The following HPSE2 variants were observed in gnomAD, a reference collection of about 807,000 sequenced individuals.
HPSE2 encodes heparanase 2 (inactive).
HPSE2 carries 38 observed loss-of-function variants against 60.5 expected under a neutral mutation model. The ratio of observed to expected loss-of-function variants is 0.63; its 90% CI spans 0.48 to 0.82. The LOEUF is 0.82. Ranked by LOEUF, HPSE2 falls within the 40% of genes least tolerant of loss-of-function variation. The pLI, the probability that HPSE2 is intolerant of heterozygous loss-of-function variation, is 0.00. For synonymous variants in HPSE2, 295 were observed against 293.2 expected, an observed-to-expected ratio of 1.01 and a Z score of -0.06; for missense variants, 713 against 740.4, an observed-to-expected ratio of 0.96 and a Z score of 0.43.
chr10:98,752,022 C>G (rs1949769620), intron 3 of HPSE2, among the ~76,000 whole-genome samples: 1 of 152,216 alleles, frequency 6.6e-6, no homozygotes, highest in South Asian at 2.1e-4. Flanking sequence ...AATTCTCAAT[C>G]TTTCTATCAG....
intron 9 of HPSE2, among the ~76,000 whole-genome samples, chr10:98,576,183 G>T (rs1944635279): frequency 6.6e-6 from 1 of 151,972 alleles, no homozygotes; most frequent in African/African-American, 2.4e-5. Context: ...CCTAGAGTAG[G>T]TTAAAATAAT....
chr10:99,228,894 C>T (rs1271915126), intron 2 of HPSE2, among the ~76,000 whole-genome samples: 2 of 152,200 alleles, frequency 1.3e-5, no homozygotes, highest in East Asian at 1.9e-4. Flanking sequence ...CACATCGGGG[C>T]CAGGCACAGT....
intron 3 of HPSE2, among the ~76,000 whole-genome samples, chr10:99,117,183 T>C (rs1167756947): frequency 6.6e-6 from 1 of 151,240 alleles, no homozygotes; most frequent in East Asian, 1.9e-4. Flanking sequence ...GTCATGTAAA[T>C]AAACAATTCT....
intron 2 of HPSE2, among the ~76,000 whole-genome samples, chr10:99,175,012 G>C (rs542537400): frequency 1.3e-5 from 2 of 152,254 alleles, no homozygotes; most frequent in South Asian, 4.1e-4. Context: ...CCGCAAGGGG[G>C]TGGTGAACTC....
At chr10:98,701,582 T>C (rs2134193822) in intron 5 of HPSE2, among the ~76,000 whole-genome samples, 1 of 151,710 alleles carries the variant, frequency 6.6e-6, no homozygotes, top group Admixed American at 6.6e-5. Flanking sequence ...ATGGCACATG[T>C]ATACATATGT....
At chr10:98,492,510 C>CAAAAAAAAAA (rs10645866) in intron 9 of HPSE2, among the ~76,000 whole-genome samples, 140 of 111,556 alleles carry the variant, frequency 1.3e-3, no homozygotes, top group Non-Finnish European at 1.4e-3. Context: ...TCAAAAAAGA[C>CAAAAAAAAAA]AAAAAAAAAA....
chr10:99,039,588 C>G (rs1169707795), intron 3 of HPSE2, among the ~76,000 whole-genome samples: 1 of 151,348 alleles, frequency 6.6e-6, no homozygotes, highest in East Asian at 1.9e-4. Context: ...TTTGAAGCAG[C>G]TGGTACTCTG....
At chr10:98,839,812 C>A (rs916530955) in intron 3 of HPSE2, among the ~76,000 whole-genome samples, 4 of 152,100 alleles carry the variant, frequency 2.6e-5, no homozygotes, top group African/African-American at 9.7e-5. Context: ...AGGGAAAGTG[C>A]TACCAGGATT....
At chr10:98,636,386 C>A (rs186463853) in intron 7 of HPSE2, among the ~76,000 whole-genome samples, 4 of 152,056 alleles carry the variant, frequency 2.6e-5, no homozygotes, top group Admixed American at 1.3e-4. Flanking sequence ...ATTACATGTG[C>A]CTGCCACCAT....
chr10:99,175,578 T>C (rs555859464), intron 2 of HPSE2, among the ~76,000 whole-genome samples: 1 of 152,324 alleles, frequency 6.6e-6, no homozygotes, highest in East Asian at 1.9e-4. Flanking sequence ...TAGATTCCTC[T>C]TCTCTGGGTA....
intron 9 of HPSE2, among the ~76,000 whole-genome samples, chr10:98,598,990 A>T (rs554353122): frequency 6.6e-6 from 1 of 151,582 alleles, no homozygotes; most frequent in South Asian, 2.1e-4. Flanking sequence ...TCCTTAGGCC[A>T]TGGGGGCCAT....
At position 98,507,218 on chromosome 10, in the gene HPSE2, A is replaced by G. The variant is rs1942231224; in HGVS notation, c.1321-17022T>C. 2.0e-5 allele frequency among the ~76,000 whole-genome samples: 3 copies of G among 152,242 alleles called. No individual in the cohort carries two copies. In the South Asian group the frequency reaches 6.2e-4, roughly 32 times the overall value. On this transcript the variant is annotated intron_variant, in intron 9 of 11. Transcript: ENST00000370552. The stretch of plus-strand genomic sequence containing the variant: ...TCATAGGTTGATGGGAGTTATTGGT[A>G]ATGTTTTAGTTTTGGGGTGGAGTGG...
chr10:98,545,110 G>T (rs917820249), intron 9 of HPSE2, among the ~76,000 whole-genome samples: 2 of 152,204 alleles, frequency 1.3e-5, no homozygotes, highest in Admixed American at 1.3e-4. Context: ...CCAGGAAGAA[G>T]TTGAATCTCT....
intron 6 of HPSE2, among the ~76,000 whole-genome samples, chr10:98,683,821 T>G (rs1274122194): frequency 6.6e-6 from 1 of 151,716 alleles, no homozygotes; most frequent in East Asian, 1.9e-4. Flanking sequence ...ATTGACAGGG[T>G]CTAACCACAT....
chr10:98,831,083 C>T (rs777571385), intron 3 of HPSE2, among the ~76,000 whole-genome samples: 65 of 152,146 alleles, frequency 4.3e-4, no homozygotes, highest in Admixed American at 1.5e-3. Flanking sequence ...TACAACAGCA[C>T]ATTTTTCTGA....
chr10:99,216,510 A>G (rs946333416), intron 2 of HPSE2, among the ~76,000 whole-genome samples: 2 of 152,044 alleles, frequency 1.3e-5, no homozygotes, highest in African/African-American at 4.8e-5. Context: ...AGACTCTTAT[A>G]AACATTTACA....
Position 99,006,982 on chromosome 10 carries a change from C to T in HPSE2, c.610+137256G>A, listed in dbSNP as rs554274730. ...TAGGTGGGTCTGGAGCCTGTTTCTG[C>T]AGAAGCCAGCCTGGAGGCTGTGTCC... On this transcript the variant is annotated intron_variant, in intron 3 of 11. Transcript: ENST00000370552. Among the ~76,000 whole-genome samples the T allele has an allele frequency of 3.2e-4, 48 of 152,286 alleles. No homozygotes were observed. In the South Asian group the frequency reaches 6.8e-3, roughly 22 times the overall value.
chr10:98,643,877 G>A (rs1414699669), intron 6 of HPSE2, among the ~76,000 whole-genome samples: 3 of 152,308 alleles, frequency 2.0e-5, no homozygotes, highest in East Asian at 1.9e-4. Context: ...GTAATGCATT[G>A]TAATTATTCT....
At chr10:98,823,549 C>T (rs1951471929) in intron 3 of HPSE2, among the ~76,000 whole-genome samples, 1 of 152,100 alleles carries the variant, frequency 6.6e-6, no homozygotes, top group Admixed American at 6.6e-5. Context: ...TTGCTTGATC[C>T]CAGGAGTTCA....
Sources: gnomAD v4.1 joint callset for allele counts (sites outside exome capture counted in the v4.1 genomes callset) on GRCh38, gnomAD v4.1.1 for gene constraint, MANE v1.5 for transcripts, NCBI Gene and HGNC (gene_info 2026-07-23, HGNC 2026-07-21) for gene names.